Variants in ABCA13 observed in about 807,000 individuals in gnomAD.
ABCA13 encodes ATP binding cassette subfamily A member 13, also known as ATP-binding cassette sub-family A member 13.
A neutral mutation model predicts 478.7 loss-of-function variants in ABCA13; 476 were observed. That is an observed-to-expected ratio of 0.99 (90% CI 0.92 to 1.07). The LOEUF is 1.07. Ranked by LOEUF, ABCA13 falls within the 50% of genes least tolerant of loss-of-function variation. The probability of loss-of-function intolerance (pLI) is 0.00; values close to 1 mark genes in which losing one functional copy is unlikely to be tolerated. For missense variants in ABCA13, 6,060 were observed against 5,910.6 expected (o/e 1.03, Z -0.83); for synonymous variants, 2,252 against 2,158.9 (o/e 1.04, Z -1.20).
In ABCA13 at chr7:48,387,992, A is replaced by G. The variant is rs763514287; in HGVS notation, c.11473+33A>G. Reference sequence around the variant, plus strand: ...AGGAGTAGAATTATTAGATGCATGTATTTTTCCTTTGATCCATTTTGATTT... The same window carrying G: ...AGGAGTAGAATTATTAGATGCATGTGTTTTTCCTTTGATCCATTTTGATTT... On this transcript the variant is annotated intron_variant, in intron 36 of 61. Coordinates refer to ENST00000435803, the MANE Select transcript of ABCA13 (RefSeq NM_152701.5). 3.2e-6 allele frequency: 5 copies of G among 1,572,794 alleles called. No individual in the cohort carries two copies. In the South Asian group the frequency reaches 3.6e-5, roughly 11 times the overall value.
At position 48,278,620 on chromosome 7, in the gene ABCA13, A is replaced by G. The variant is rs755621099; in HGVS notation, c.7426A>G (p.Lys2476Glu). The G allele has an allele frequency of 1.2e-6, 2 of 1,613,796 alleles. No individual in the cohort carries two copies. Among genetic ancestry groups the G allele is most frequent in the Non-Finnish European group, 1.7e-6 (2 of 1,179,716 alleles). ...AAACAGAGCAACATTAGAAATTACT[A>G]AGAGATTAGTTGGTGCTATTTCAAG... ...LRNRATLEITKRLVGAISRAS... is the reference protein window; with the variant it reads ...LRNRATLEITERLVGAISRAS... Residue 2476 changes from lysine to glutamate, a missense_variant, in exon 18 of 62, where the codon AAG (lysine) becomes GAG (glutamate). Lys to Glu is a moderately conservative substitution (Grantham distance 56). This residue lies in a region of ABCA13 where 4,423 missense variants were observed against 4,309.1 expected (regional missense o/e 1.03). Coordinates refer to ENST00000435803, the MANE Select transcript of ABCA13 (RefSeq NM_152701.5).
chr7:48,332,388 CA>C lies in ABCA13; in HGVS notation c.10000-3033del, dbSNP rs1309090938. Among the ~76,000 whole-genome samples, 3 of 152,350 alleles carry C rather than the reference CA, an allele frequency of 2.0e-5. No individual in the cohort carries two copies. In the East Asian group the frequency reaches 5.8e-4, roughly 29 times the overall value. ...ACAGACATACACACGTGGCTTACCA[CA>C]GTTCATTGGCATTGAGATTTTACCA... On this transcript the variant is annotated intron_variant, in intron 27 of 61. Transcript: ENST00000435803.
chr7:48,375,733 A>G (rs549677651), intron 34 of ABCA13, among the ~76,000 whole-genome samples: 13 of 152,246 alleles, frequency 8.5e-5, no homozygotes, highest in African/African-American at 2.6e-4. Context: ...GAGTTTTTCA[A>G]TAAGATGTAT....
chr7:48,507,979 C>T lies in ABCA13; in HGVS notation c.13454C>T (p.Ala4485Val), dbSNP rs1457839229. Residue 4485 changes from alanine (A) to valine (V), a missense_variant, in exon 50 of 62, where the codon GCC becomes GTC. Around this residue, in one of 3 missense-constraint regions of ABCA13, gnomAD observed 1,627 missense variants for 1,571.0 expected, o/e 1.04. Transcript: ENST00000435803. ...SSVVRDRVIG[A>V]KRLQHISGLG... ...GTGGTGAGGGACAGGGTGATTGGAGCCAAAAGGTTGCAGCACATAAGTGGC... is the reference window on the plus strand; with the variant it reads ...GTGGTGAGGGACAGGGTGATTGGAGTCAAAAGGTTGCAGCACATAAGTGGC... 1.2e-6 allele frequency: 2 copies of T among 1,613,650 alleles called. No individual in the cohort carries two copies. The highest frequency in any genetic ancestry group is 1.7e-6 in the Non-Finnish European group (2 of 1,179,826).
In ABCA13 at chr7:48,615,019, A is replaced by C. The variant is rs553771456; in HGVS notation, c.14745-266A>C. Among the ~76,000 whole-genome samples, 192 of 150,878 alleles carry C rather than the reference A, an allele frequency of 1.3e-3. 3 individuals carry two copies. The highest frequency in any genetic ancestry group is 1.8e-4 in the Non-Finnish European group (12 of 67,492). ...CCTGCACATTGTGCACATGTACCCT[A>C]AAACTTAAAGTATAATAATAATAAA... On this transcript the variant is annotated intron_variant, in intron 58 of 61. Transcript: ENST00000435803.
intron 55 of ABCA13, among the ~76,000 whole-genome samples, chr7:48,549,464 A>C (rs1238445671): frequency 6.6e-6 from 1 of 151,810 alleles, no homozygotes; most frequent in Non-Finnish European, 1.5e-5. Context: ...CCAGTCTATC[A>C]TTGATGGGCA....
chr7:48,230,724 T>C (rs879446292), intron 7 of ABCA13, among the ~76,000 whole-genome samples: 2 of 151,692 alleles, frequency 1.3e-5, no homozygotes, highest in Non-Finnish European at 2.9e-5. Context: ...TCTATCCATC[T>C]ATTCATCCAT....
chr7:48,296,064 G>A (rs1264806320), intron 21 of ABCA13, among the ~76,000 whole-genome samples: 2 of 152,080 alleles, frequency 1.3e-5, no homozygotes, highest in South Asian at 2.1e-4. Context: ...TAATCAGAAG[G>A]CTAACTTTAT....
intron 23 of ABCA13, among the ~76,000 whole-genome samples, chr7:48,307,020 T>C (rs1175083931): frequency 6.6e-6 from 1 of 152,110 alleles, no homozygotes; most frequent in African/African-American, 2.4e-5. Flanking sequence ...AGCTGCAATG[T>C]CAGCTCCTTC....
chr7:48,541,411 A>G (rs1444151117), intron 55 of ABCA13, among the ~76,000 whole-genome samples: 1 of 152,106 alleles, frequency 6.6e-6, no homozygotes, highest in Non-Finnish European at 1.5e-5. Flanking sequence ...CTCATTAGCC[A>G]TGATTTACTG....
chr7:48,576,784 G>GT (rs1403904620), intron 55 of ABCA13, among the ~76,000 whole-genome samples: 1 of 151,990 alleles, frequency 6.6e-6, no homozygotes, highest in Non-Finnish European at 1.5e-5. Flanking sequence ...ACAGCCACCA[G>GT]TAAGCACAAT....
rs548959336 is a variant in ABCA13, at chr7:48,346,062, G to T, written c.10205-4581G>T. 2.6e-5 allele frequency among the ~76,000 whole-genome samples: 4 copies of T among 152,328 alleles called. No individual in the cohort carries two copies. The South Asian group carries it at 8.3e-4, about 32-fold the overall frequency. ...TTGTAGCCTAGGAGCAATAGGCTAT[G>T]CTATACAGCTAGGTGTGCAGTAGGC... is the stretch of plus-strand genomic sequence containing the variant. On this transcript the variant is annotated intron_variant, in intron 29 of 61. Coordinates refer to ENST00000435803, the MANE Select transcript of ABCA13 (RefSeq NM_152701.5).
chr7:48,463,800 A>G (rs1008315432), intron 43 of ABCA13, among the ~76,000 whole-genome samples: 3 of 151,932 alleles, frequency 2.0e-5, no homozygotes, highest in Non-Finnish European at 4.4e-5. Flanking sequence ...ATGGAATGGA[A>G]TGGAATGGAA....
At chr7:48,326,698 A>G (rs1804380930) in intron 27 of ABCA13, among the ~76,000 whole-genome samples, 1 of 152,176 alleles carries the variant, frequency 6.6e-6, no homozygotes, top group African/African-American at 2.4e-5. Context: ...TCTAAGGCCA[A>G]TGTTTTATTT....
chr7:48,460,104 C>G (rs1256654622), intron 43 of ABCA13, among the ~76,000 whole-genome samples: 1 of 152,086 alleles, frequency 6.6e-6, no homozygotes, highest in Non-Finnish European at 1.5e-5. Context: ...GTAGGACTCC[C>G]AAGTCCTGGT....
In ABCA13 at chr7:48,227,300, G is replaced by T. The variant is rs763277430; in HGVS notation, c.507G>T (p.Leu169=). ...AGACCGAGGAGGTAATATTGAAACT[G>T]GAAAGCCTCCATCAGCAGCCTCATA... The part of the protein sequence containing the change: ...LNKTEEVILK[L]ESLHQQPHIW... Residue 169 remains leucine (L), a synonymous_variant, in exon 6 of 62, where the codon CTG becomes CTT. Coordinates refer to ENST00000435803, the MANE Select transcript of ABCA13 (RefSeq NM_152701.5). 6 of 1,613,516 alleles carry T rather than the reference G, an allele frequency of 3.7e-6. No homozygotes were observed. Among genetic ancestry groups the T allele is most frequent in the Non-Finnish European group, 5.1e-6 (6 of 1,179,806 alleles).
rs183889119 is a variant in ABCA13 at position 48,265,159 on chromosome 7, A to G, written c.2006-3821A>G. ...CAGTGTTCTATTTGTCCATCTTTAT[A>G]CCAAAATTAACTATCTTGGTTATCA... On this transcript the variant is annotated intron_variant, in intron 15 of 61. Coordinates refer to ENST00000435803, the MANE Select transcript of ABCA13 (RefSeq NM_152701.5). Among the ~76,000 whole-genome samples the G allele has an allele frequency of 3.9e-3, 596 of 151,850 alleles. 8 individuals are homozygous for G. Among genetic ancestry groups the G allele is most frequent in the African/African-American group, 0.014 (569 of 41,550 alleles).
In ABCA13 at chr7:48,310,108, T is replaced by A; in HGVS notation, c.9483T>A (p.Ser3161Arg). Residue 3161 changes from serine to arginine, a missense_variant, in exon 24 of 62, where the codon AGT becomes AGA. Ser to Arg is a moderately radical substitution (Grantham distance 110). Transcript: ENST00000435803. The stretch of plus-strand genomic sequence containing the variant: ...TGTATTCTCTGATTGTGTTGCTGAG[T>A]CGAAACTTGGATGTGCGAGCTTTCA... Reference protein sequence around the residue: ...SKVYSLIVLLSRNLDVRAFIY... With the variant: ...SKVYSLIVLLRRNLDVRAFIY... 2 of 1,612,960 alleles carry A rather than the reference T, an allele frequency of 1.2e-6. No individual in the cohort carries two copies. Among genetic ancestry groups the A allele is most frequent in the South Asian group, 2.2e-5 (2 of 91,018 alleles).
chr7:48,624,402 T>A (rs969851346), intron 59 of ABCA13, among the ~76,000 whole-genome samples: 2 of 152,072 alleles, frequency 1.3e-5, no homozygotes, highest in Non-Finnish European at 2.9e-5. Flanking sequence ...AAGTCTGACT[T>A]GGTAAAAACA....
Sources: gnomAD v4.1 joint callset for allele counts (sites outside exome capture counted in the v4.1 genomes callset) on GRCh38, gnomAD v4.1.1 for gene constraint, gnomAD v4.1.1 regional missense constraint, MANE v1.5 for transcripts, NCBI Gene and HGNC (gene_info 2026-07-23, HGNC 2026-07-21) for gene names.